Variants in PPFIA2 observed in about 807,000 individuals in gnomAD.
PPFIA2 encodes the protein PPFI scaffold protein A2.
PPFIA2 carries 46 observed loss-of-function variants against 175.5 expected under a neutral mutation model. The observed-to-expected ratio is 0.26, with a 90% CI of 0.21 to 0.34. The LOEUF is 0.34. Ranked by LOEUF, PPFIA2 falls within the 10% of genes least tolerant of loss-of-function variation. The pLI is 1.00. For synonymous variants in PPFIA2, 568 were observed against 511.4 expected (o/e 1.11, Z -1.49); for missense variants, 1,179 against 1,506.1 (o/e 0.78, Z 3.60).
At chr12:81,598,807 G>A (rs1050556828) in intron 4 of PPFIA2, among the ~76,000 whole-genome samples, 19 of 151,932 alleles carry the variant, frequency 1.3e-4, no homozygotes, top group African/African-American at 4.6e-4. Flanking sequence ...TTTCTGAACT[G>A]CTATAGAATG....
At chr12:81,395,075 T>C (rs984305972) in intron 8 of PPFIA2, among the ~76,000 whole-genome samples, 1 of 152,020 alleles carries the variant, frequency 6.6e-6, no homozygotes, top group African/African-American at 2.4e-5. Context: ...TCTGTGTAAT[T>C]ACTTAGAAAA....
chr12:81,325,250 G>A lies in PPFIA2; in HGVS notation c.2642+527C>T, dbSNP rs181359085. Among the ~76,000 whole-genome samples, 4 of 152,004 alleles carry A rather than the reference G, an allele frequency of 2.6e-5. No individual in the cohort carries two copies. The East Asian group carries it at 5.8e-4, about 22-fold the overall frequency. On this transcript the variant is annotated intron_variant, in intron 22 of 32. Coordinates refer to ENST00000549396, the MANE Select transcript of PPFIA2 (RefSeq NM_003625.5). ...CCAACAGCTGCTGCAACTCAAAATT[G>A]GCCAATTTTGCAAGTCATTTAAATG... is the stretch of plus-strand genomic sequence containing the variant.
At chr12:81,275,279 T>G (rs2040219702) in intron 28 of PPFIA2, among the ~76,000 whole-genome samples, 1 of 152,216 alleles carries the variant, frequency 6.6e-6, no homozygotes, top group Non-Finnish European at 1.5e-5. Context: ...GAAAAGCACT[T>G]TCGTGCTTCG....
intron 3 of PPFIA2, among the ~76,000 whole-genome samples, chr12:81,744,420 C>CTT (rs1167414059): frequency 2.6e-4 from 31 of 118,932 alleles, no homozygotes; most frequent in Middle Eastern, 4.2e-3. Flanking sequence ...GAAATGCTTT[C>CTT]TTTTTTTTTT....
intron 1 of PPFIA2, 164 bp from the exon 2 acceptor site, chr12:81,758,671 T>C (rs2085064079): frequency 6.0e-6 from 2 of 330,976 alleles, no homozygotes; most frequent in South Asian, 4.6e-5. Flanking sequence ...TTACAAATTT[T>C]GCTTTGGGAA....
intron 4 of PPFIA2, among the ~76,000 whole-genome samples, chr12:81,511,207 G>C (rs2061751509): frequency 1.3e-5 from 2 of 152,040 alleles, no homozygotes; most frequent in East Asian, 1.9e-4. Flanking sequence ...ACCCATATCT[G>C]GGCATTTTCC....
chr12:81,472,125 C>T (rs187515420), intron 4 of PPFIA2, among the ~76,000 whole-genome samples: 18 of 152,206 alleles, frequency 1.2e-4, no homozygotes, highest in African/African-American at 4.1e-4. Flanking sequence ...GTATGATCCT[C>T]TTAATATTTA....
intron 3 of PPFIA2, among the ~76,000 whole-genome samples, chr12:81,702,631 T>C (rs1178115119): frequency 1.3e-5 from 2 of 152,122 alleles, no homozygotes; most frequent in Non-Finnish European, 2.9e-5. Context: ...CTAGGCTCTT[T>C]GGGCTTTATT....
At chr12:81,511,044 A>G (rs2061727692) in intron 4 of PPFIA2, among the ~76,000 whole-genome samples, 1 of 152,142 alleles carries the variant, frequency 6.6e-6, no homozygotes, top group Admixed American at 6.6e-5. Context: ...ATAATTTACC[A>G]GGAAAAGGAA....
At chr12:81,492,076 A>G (rs2147092020) in intron 4 of PPFIA2, among the ~76,000 whole-genome samples, 1 of 152,182 alleles carries the variant, frequency 6.6e-6, no homozygotes, top group Non-Finnish European at 1.5e-5. Context: ...CGAGGCAGAA[A>G]GAGTTTTGTG....
At chr12:81,659,511 G>A (rs1423071594) in intron 4 of PPFIA2, among the ~76,000 whole-genome samples, 2 of 152,196 alleles carry the variant, frequency 1.3e-5, no homozygotes, top group Non-Finnish European at 2.9e-5. Flanking sequence ...TGGGAGAGGG[G>A]CGCCCGCCAT....
chr12:81,348,219 T>G (rs2140659059), intron 17 of PPFIA2, among the ~76,000 whole-genome samples: 1 of 152,266 alleles, frequency 6.6e-6, no homozygotes, highest in East Asian at 1.9e-4. Context: ...ATATCCCTCT[T>G]AAGATTCAAA....
chr12:81,531,500 G>A (rs2064554960), intron 4 of PPFIA2, among the ~76,000 whole-genome samples: 1 of 151,528 alleles, frequency 6.6e-6, no homozygotes, highest in Admixed American at 6.6e-5. Context: ...TAAAAATGAA[G>A]AATCCCCTAG....
chr12:81,626,353 A>C (rs1273396912), intron 4 of PPFIA2, among the ~76,000 whole-genome samples: 1 of 152,020 alleles, frequency 6.6e-6, no homozygotes, highest in Non-Finnish European at 1.5e-5. Flanking sequence ...CCAACTTATA[A>C]AACCCCAAAT....
At chr12:81,693,205 A>G (rs2075465362) in intron 3 of PPFIA2, among the ~76,000 whole-genome samples, 1 of 152,106 alleles carries the variant, frequency 6.6e-6, no homozygotes, top group African/African-American at 2.4e-5. Flanking sequence ...ATAGTCTTAT[A>G]TATCATAAGG....
At chr12:81,729,748 AAAGT>A (rs1369651179) in intron 3 of PPFIA2, among the ~76,000 whole-genome samples, 2 of 151,534 alleles carry the variant, frequency 1.3e-5, no homozygotes, top group Non-Finnish European at 3.0e-5. Flanking sequence ...AGCAGAAGGA[AAAGT>A]AAGGAGATCT....
At chr12:81,261,867 G>A in intron 32 of PPFIA2, 82 bp downstream of exon 32, 1 of 893,410 alleles carries the variant, frequency 1.1e-6, no homozygotes, top group Non-Finnish European at 1.7e-6. Context: ...GCATACCAAA[G>A]AGTATAGTGT....
intron 18 of PPFIA2, 103 bp downstream of exon 18, chr12:81,347,430 T>G: frequency 1.0e-6 from 1 of 984,158 alleles, no homozygotes; most frequent in East Asian, 2.4e-5. Flanking sequence ...AACAATAAAA[T>G]ACACAGAAAG....
At chr12:81,522,577 A>G (rs2063280276) in intron 4 of PPFIA2, among the ~76,000 whole-genome samples, 1 of 152,228 alleles carries the variant, frequency 6.6e-6, no homozygotes, top group Non-Finnish European at 1.5e-5. Context: ...CTGCTAGCTC[A>G]GTGCTATAAT....
Sources: gnomAD v4.1 joint callset for allele counts (sites outside exome capture counted in the v4.1 genomes callset) on GRCh38, gnomAD v4.1.1 for gene constraint, MANE v1.5 for transcripts, NCBI Gene and HGNC (gene_info 2026-07-23, HGNC 2026-07-21) for gene names.